The following TLE1 variants were observed in gnomAD, a reference collection of about 807,000 sequenced individuals.
TLE1 encodes transducin-like enhancer protein 1.
TLE1 carries 21 observed loss-of-function variants against 89.8 expected under a neutral mutation model. The observed-to-expected ratio is 0.23, with a 90% confidence interval of 0.17 to 0.34. The LOEUF (loss-of-function observed/expected upper bound fraction) is 0.34. Ranked by LOEUF, TLE1 falls within the 10% of genes least tolerant of loss-of-function variation. The probability of loss-of-function intolerance (pLI) is 1.00; values close to 1 mark genes in which losing one functional copy is unlikely to be tolerated. For synonymous variants in TLE1, 447 were observed against 407.6 expected, an observed-to-expected ratio of 1.10 and a Z score of -1.16; for missense variants, 795 against 1,031.2, an observed-to-expected ratio of 0.77 and a Z score of 3.14.
chr9:81,663,605 T>TAGCACAGA (rs1831089652), intron 4 of TLE1, among the ~76,000 whole-genome samples: 1 of 150,992 alleles, frequency 6.6e-6, no homozygotes, highest in African/African-American at 2.4e-5. Flanking sequence ...CTAGCAGAGG[T>TAGCACAGA]ATCCGCACAG....
chr9:81,686,859 C>T (rs1475021188), intron 2 of TLE1, among the ~76,000 whole-genome samples: 1 of 152,100 alleles, frequency 6.6e-6, no homozygotes, highest in Non-Finnish European at 1.5e-5. Context: ...CCTCCCTCAC[C>T]ATCACCAATG....
chr9:81,626,036 G>A (rs1387533774), intron 8 of TLE1, among the ~76,000 whole-genome samples: 1 of 151,044 alleles, frequency 6.6e-6, no homozygotes, highest in African/African-American at 2.4e-5. Flanking sequence ...CAACAAGTTC[G>A]AACCCTGAAA....
chr9:81,688,698 G>C lies in TLE1; in HGVS notation c.-458C>G, dbSNP rs1042503971. 6.3e-6 allele frequency: 1 copy of C among 157,560 alleles called. No individual in the cohort carries two copies. Among genetic ancestry groups the C allele is most frequent in the Non-Finnish European group, 1.4e-5 (1 of 72,032 alleles). The allele number at this position is 157,560 out of a possible 1,614,324, so 9.8% of individuals were successfully genotyped here. On this transcript the variant is annotated 5_prime_UTR_variant, in exon 1 of 20. Coordinates refer to ENST00000376499, the MANE Select transcript of TLE1 (RefSeq NM_005077.5). Reference sequence around the variant, plus strand: ...TCTTCTCCTGGTCCGCCTCCTCTTCGGGCTTTCCCCGAGGCGGCGGCGGGC... The same window carrying C: ...TCTTCTCCTGGTCCGCCTCCTCTTCCGGCTTTCCCCGAGGCGGCGGCGGGC...
At chr9:81,668,388 A>G (rs575851995) in intron 4 of TLE1, among the ~76,000 whole-genome samples, 2 of 152,318 alleles carry the variant, frequency 1.3e-5, no homozygotes, top group African/African-American at 4.8e-5. Flanking sequence ...TATTTTAAGT[A>G]TTTAGAAGAG....
intron 14 of TLE1, among the ~76,000 whole-genome samples, chr9:81,606,833 C>T (rs1468814531): frequency 6.7e-6 from 1 of 149,910 alleles, no homozygotes; most frequent in Non-Finnish European, 1.5e-5. Flanking sequence ...TGTATATAAC[C>T]CAGATCCTGG....
intron 6 of TLE1, among the ~76,000 whole-genome samples, chr9:81,649,758 C>A (rs776820687): frequency 1.3e-5 from 2 of 152,110 alleles, no homozygotes; most frequent in Non-Finnish European, 2.9e-5. Context: ...GGTACCTCCT[C>A]CCCTCTGGGG....
intron 10 of TLE1, among the ~76,000 whole-genome samples, chr9:81,616,335 C>G (rs1025832806): frequency 6.6e-6 from 1 of 152,018 alleles, no homozygotes; most frequent in African/African-American, 2.4e-5. Flanking sequence ...AAAAAAACCC[C>G]GCAGTCATAT....
intron 6 of TLE1, among the ~76,000 whole-genome samples, chr9:81,637,550 TCTGACCTTCTAGGTCCC>T (rs1481494557): frequency 1.3e-5 from 2 of 152,044 alleles, no homozygotes; most frequent in South Asian, 4.1e-4. Flanking sequence ...TCTACCCTAA[TCTGACCTTCTAGGTCCC>T]CTGAACAAAC....
At chr9:81,617,402 C>G (rs1326474178) in intron 9 of TLE1, among the ~76,000 whole-genome samples, 1 of 152,102 alleles carries the variant, frequency 6.6e-6, no homozygotes, top group South Asian at 2.1e-4. Context: ...GGAAAAGATT[C>G]GGAAAAGCTG....
At chr9:81,671,342 T>G (rs981184528) in intron 4 of TLE1, among the ~76,000 whole-genome samples, 3 of 151,794 alleles carry the variant, frequency 2.0e-5, no homozygotes. Flanking sequence ...GGCGAAACCC[T>G]GTCTCTATTT....
intron 14 of TLE1, among the ~76,000 whole-genome samples, chr9:81,606,062 C>T (rs1831612640): frequency 6.6e-6 from 1 of 152,130 alleles, no homozygotes; most frequent in African/African-American, 2.4e-5. Flanking sequence ...AAATCAAAAC[C>T]ACAATGAGAT....
rs1202711356 is a variant in TLE1, at chr9:81,587,719, C to T, written c.1939G>A (p.Glu647Lys). ...TCGTGCTGCTGCAGCTGCCGCCCCT[C>T]GCGCAGGTCCCAGGACCTGACTGTG... ...DNTVRSWDLR[E>K]GRQLQQHDFT... is the part of the protein sequence containing the mutation. The change falls in exon 17 of 20, where the codon GAG becomes AAG. Residue 647 changes from glutamate to lysine, a missense_variant. Around this residue, in one of 4 missense-constraint regions of TLE1, gnomAD observed 214 missense variants for 354.9 expected, o/e 0.60. Transcript: ENST00000376499. The T allele has an allele frequency of 2.5e-6, 4 of 1,613,846 alleles. No homozygotes were observed. Among genetic ancestry groups the T allele is most frequent in the East Asian group, 2.2e-5 (1 of 44,876 alleles).
chr9:81,585,970 A>G (rs112915287), intron 17 of TLE1, among the ~76,000 whole-genome samples: 59 of 151,666 alleles, frequency 3.9e-4, no homozygotes, highest in African/African-American at 1.3e-3. Flanking sequence ...ACGATCATAT[A>G]TCACCTATCA....
At chr9:81,617,940 G>A (rs1167934990) in intron 9 of TLE1, among the ~76,000 whole-genome samples, 8 of 152,060 alleles carry the variant, frequency 5.3e-5, no homozygotes, top group Non-Finnish European at 1.2e-4. Context: ...CAGGAGAATC[G>A]CTTGAACCTG....
At chr9:81,602,228 G>A (rs1831029945) in intron 14 of TLE1, among the ~76,000 whole-genome samples, 1 of 152,156 alleles carries the variant, frequency 6.6e-6, no homozygotes, top group Non-Finnish European at 1.5e-5. Flanking sequence ...GTTAGCACAG[G>A]ATGTAAAGCA....
chr9:81,603,104 A>G (rs1392120187), intron 14 of TLE1, among the ~76,000 whole-genome samples: 1 of 152,150 alleles, frequency 6.6e-6, no homozygotes, highest in Non-Finnish European at 1.5e-5. Flanking sequence ...GCCTTTGCAC[A>G]TGCTGCTCTC....
intron 8 of TLE1, among the ~76,000 whole-genome samples, chr9:81,625,809 CT>C (rs1825823192): frequency 6.9e-6 from 1 of 145,680 alleles, no homozygotes; most frequent in Non-Finnish European, 1.5e-5. Context: ...AACAACCAGT[CT>C]TTATAGTCTT....
chr9:81,646,090 G>T (rs1828826112), intron 6 of TLE1, among the ~76,000 whole-genome samples: 1 of 152,108 alleles, frequency 6.6e-6, no homozygotes, highest in East Asian at 1.9e-4. Flanking sequence ...AAACAAACCT[G>T]CACATCCTAT....
At chr9:81,675,117 C>T (rs1832716071) in intron 4 of TLE1, among the ~76,000 whole-genome samples, 1 of 152,120 alleles carries the variant, frequency 6.6e-6, no homozygotes, top group South Asian at 2.1e-4. Flanking sequence ...CCAAATTCCC[C>T]ATATTATTAA....
Sources: gnomAD v4.1 joint callset for allele counts (sites outside exome capture counted in the v4.1 genomes callset) on GRCh38, gnomAD v4.1.1 for gene constraint, gnomAD v4.1.1 regional missense constraint, MANE v1.5 for transcripts, NCBI Gene and HGNC (gene_info 2026-07-23, HGNC 2026-07-21) for gene names.